Variants in MXRA5 observed in about 807,000 individuals in gnomAD.
MXRA5 encodes the protein matrix remodeling associated 5.
A neutral mutation model predicts 112.5 loss-of-function variants in MXRA5; 41 were observed. The ratio of observed to expected loss-of-function variants is 0.36; its 90% CI spans 0.28 to 0.47. The LOEUF (loss-of-function observed/expected upper bound fraction) is 0.47, where lower values mean the gene tolerates loss of function less well. Among genes scored for constraint, MXRA5 ranks in the 20% least tolerant of loss-of-function variants. The pLI, the probability that MXRA5 is intolerant of heterozygous loss-of-function variation, is 0.99. For missense variants in MXRA5, 2,150 were observed against 2,251.0 expected (o/e 0.96, Z 0.91); for synonymous variants, 862 against 900.8 (o/e 0.96, Z 0.77).
chrX:3,319,691 AG>A (rs1921243516), intron 5 of MXRA5, among the ~76,000 whole-genome samples: 1 of 111,696 alleles, frequency 9.0e-6, no homozygotes, highest in Non-Finnish European at 1.9e-5. Flanking sequence ...AGGGGTGGCA[AG>A]GGTTGAAAAA....
chrX:3,314,224 T>C (rs1286515652), intron 6 of MXRA5, among the ~76,000 whole-genome samples: 1 of 112,442 alleles, frequency 8.9e-6, no homozygotes, highest in Non-Finnish European at 1.9e-5. Context: ...AGCTCTTTTT[T>C]TGTATCTAGC....
At chrX:3,325,983 AT>A (rs1255373007) in intron 4 of MXRA5, among the ~76,000 whole-genome samples, 30 of 58,972 alleles carry the variant, frequency 5.1e-4, no homozygotes, top group Admixed American at 8.4e-4. Flanking sequence ...AATTTATAAT[AT>A]ATAATTTATA....
At position 3,317,485 on chromosome X, in the gene MXRA5, G is replaced by A; in HGVS notation, c.6196C>T (p.His2066Tyr). 8.4e-7 allele frequency: 1 copy of A among 1,195,266 alleles called. No homozygotes were observed. Among genetic ancestry groups the A allele is most frequent in the Non-Finnish European group, 1.1e-6 (1 of 887,535 alleles). ...GCAGCCTTGGCAGTGCAGTGAATGT[G>A]AATGCTGAGCCCCGGGGGCAGCGAG... ...NISLPPGLSI[H>Y]IHCTAKAAPL... The change falls in exon 6 of 7, where the codon CAC (histidine) becomes TAC (tyrosine). Residue 2066 changes from histidine to tyrosine, a missense_variant. Physicochemically the swap from His to Tyr is moderately conservative, Grantham distance 83. Transcript: ENST00000217939.
intron 6 of MXRA5, 59 bp downstream of exon 6, chrX:3,317,044 T>C: frequency 1.9e-6 from 2 of 1,049,726 alleles, no homozygotes; most frequent in Admixed American, 3.7e-5. Flanking sequence ...GAAAAAGGAC[T>C]CATATTCGTT....
In MXRA5 at chrX:3,324,791, C is replaced by T; in HGVS notation, c.894G>A (p.Gln298=). 2 of 1,210,745 alleles carry T rather than the reference C, an allele frequency of 1.7e-6. No homozygotes were observed. Among genetic ancestry groups the T allele is most frequent in the Non-Finnish European group, 2.2e-6 (2 of 895,041 alleles). ...TGAGCTGGCTGCCACCATCCTCTTC[C>T]TGTTCTTGCTCCTCCTCAATACTCC... ...RSRSIEEEQE[Q]EEDGGSQLIL... Residue 298 remains glutamine, a synonymous_variant, in exon 5 of 7, where the codon CAG becomes CAA. Coordinates refer to ENST00000217939, the MANE Select transcript of MXRA5 (RefSeq NM_015419.4).
At chrX:3,330,896 T>A in intron 2 of MXRA5, 123 bp from the exon 3 acceptor site, 4 of 427,303 alleles carry the variant, frequency 9.4e-6, no homozygotes, top group Non-Finnish European at 1.5e-5. Flanking sequence ...AAATGGTGAG[T>A]CTTTTTGTCT....
At chrX:3,326,318 T>G (rs1921506831) in intron 4 of MXRA5, among the ~76,000 whole-genome samples, 1 of 88,779 alleles carries the variant, frequency 1.1e-5, no homozygotes, top group Non-Finnish European at 2.2e-5. Flanking sequence ...ATAATTTGTA[T>G]ATAATCAATA....
Position 3,323,105 on chromosome X carries a change from T to G in MXRA5, c.2580A>C (p.Ser860=). 8.3e-7 allele frequency: 1 copy of G among 1,211,716 alleles called. No individual in the cohort carries two copies. The highest frequency in any genetic ancestry group is 1.1e-6 in the Non-Finnish European group (1 of 895,549). The change falls in exon 5 of 7, where the codon TCA becomes TCC. Residue 860 remains serine (S), a synonymous_variant. Transcript: ENST00000217939. Reference sequence around the variant, plus strand: ...GGTTGTGTTCTAGCCCCATGCTGGCTGAGGAAATGGTACCCAAAACGTGCT... The same window carrying G: ...GGTTGTGTTCTAGCCCCATGCTGGCGGAGGAAATGGTACCCAAAACGTGCT... ...EEEHVLGTIS[S]ASMGLEHNHN... is the part of the protein sequence containing the mutation.
At chrX:3,345,489 C>A (rs1347956914) in intron 1 of MXRA5, among the ~76,000 whole-genome samples, 1 of 113,069 alleles carries the variant, frequency 8.8e-6, no homozygotes, top group Non-Finnish European at 1.9e-5. Flanking sequence ...TGCCTGCGGG[C>A]GGACTTGGCC....
In MXRA5 at chrX:3,320,229, A is replaced by T; in HGVS notation, c.5456T>A (p.Ile1819Lys). 8.3e-7 allele frequency: 1 copy of T among 1,211,055 alleles called. No individual in the cohort carries two copies. The highest frequency in any genetic ancestry group is 1.1e-6 in the Non-Finnish European group (1 of 895,081). ...TCCTGAGGACTGGACAGAAGATGTT[A>T]TAAAGGAGATAGAACTCTGGGTGGA... ...VSSTQSSISF[I>K]TSSVQSSGSF... Residue 1819 changes from isoleucine (I) to lysine (K), a missense_variant, in exon 5 of 7, where the codon ATA becomes AAA. Transcript: ENST00000217939.
intron 6 of MXRA5, among the ~76,000 whole-genome samples, chrX:3,313,943 G>C (rs1024951024): frequency 8.9e-6 from 1 of 111,894 alleles, no homozygotes; most frequent in Non-Finnish European, 1.9e-5. Context: ...AATACAGGCA[G>C]GGAAAAGGCA....
intron 2 of MXRA5, among the ~76,000 whole-genome samples, chrX:3,335,888 T>C (rs776466465): frequency 1.8e-5 from 2 of 112,360 alleles, no homozygotes; most frequent in East Asian, 5.6e-4. Context: ...TGAACCATGT[T>C]GTTCACTGCA....
At chrX:3,326,545 G>C (rs773666352) in intron 4 of MXRA5, among the ~76,000 whole-genome samples, 1 of 104,920 alleles carries the variant, frequency 9.5e-6, no homozygotes, top group Non-Finnish European at 1.9e-5. Context: ...AATATATAAT[G>C]TATATATAAT....
intron 1 of MXRA5, among the ~76,000 whole-genome samples, chrX:3,345,977 T>C (rs1922099325): frequency 8.9e-6 from 1 of 112,345 alleles, no homozygotes; most frequent in African/African-American, 3.2e-5. Flanking sequence ...GGCTGTCCCC[T>C]TTCCAGGGAA....
chrX:3,322,457 G>A lies in MXRA5; in HGVS notation c.3228C>T (p.Asp1076=), dbSNP rs1487772906. 1 of 1,211,318 alleles carries A rather than the reference G, an allele frequency of 8.3e-7. No homozygotes were observed. Among genetic ancestry groups the A allele is most frequent in the Admixed American group, 2.2e-5 (1 of 45,991 alleles). The part of the protein sequence containing the change: ...TLQGGNMLEG[D]PTHSRSSESE... ...TCTCAGAACTTCTGGAGTGTGTGGG[G>A]TCTCCCTCTAGCATATTTCCTCCCT... The change falls in exon 5 of 7, where the codon GAC becomes GAT. Residue 1076 remains aspartate (D), a synonymous_variant. Coordinates refer to ENST00000217939, the MANE Select transcript of MXRA5 (RefSeq NM_015419.4).
rs1921285852 is a variant in MXRA5 at position 3,321,002 on chromosome X, G to C, written c.4683C>G (p.Pro1561=). The C allele has an allele frequency of 8.3e-7, 1 of 1,210,553 alleles. No homozygotes were observed. Among genetic ancestry groups the C allele is most frequent in the Non-Finnish European group, 1.1e-6 (1 of 895,402 alleles). ...AGTTAAATGCATCCTGGTCGGAAGA[G>C]GGTGTTGATAATTCATTTGGCCCTG... ...HMSGPNELST[P]SSDQDAFNLS... Residue 1561 remains proline (P), a synonymous_variant, in exon 5 of 7, where the codon CCC becomes CCG. Transcript: ENST00000217939.
intron 6 of MXRA5, among the ~76,000 whole-genome samples, chrX:3,315,391 T>TAGATAGATA (rs1555943433): frequency 1.8e-5 from 1 of 56,708 alleles, no homozygotes; most frequent in African/African-American, 8.2e-5. Context: ...GATAGATAGA[T>TAGATAGATA]GATAGATAGA....
Position 3,310,288 on chromosome X carries a change from C to T in MXRA5, c.7915G>A (p.Ala2639Thr). The T allele has an allele frequency of 8.3e-7, 1 of 1,210,452 alleles. No homozygotes were observed. The highest frequency in any genetic ancestry group is 1.7e-5 in the African/African-American group (1 of 57,638). Reference sequence around the variant, plus strand: ...ACCAGGTTATGATACTGCTTGTTTGCTTCTGGCTTCAGTCCCACCTTCAGG... The same window carrying T: ...ACCAGGTTATGATACTGCTTGTTTGTTTCTGGCTTCAGTCCCACCTTCAGG... ...VSLKVGLKPE[A>T]NKQYHNLVSI... is the part of the protein sequence containing the mutation. Residue 2639 changes from alanine (A) to threonine (T), a missense_variant, in exon 7 of 7, where the codon GCA becomes ACA. Ala to Thr is a moderately conservative substitution (Grantham distance 58, BLOSUM62 0). Coordinates refer to ENST00000217939, the MANE Select transcript of MXRA5 (RefSeq NM_015419.4).
intron 2 of MXRA5, among the ~76,000 whole-genome samples, chrX:3,341,100 C>CATAAT (rs1182355284): frequency 2.0e-4 from 3 of 15,101 alleles, no homozygotes; most frequent in Non-Finnish European, 2.8e-4. Context: ...ATATGTTATA[C>CATAAT]ATAATATAAT....
Sources: gnomAD v4.1 joint callset for allele counts (sites outside exome capture counted in the v4.1 genomes callset) on GRCh38, gnomAD v4.1.1 for gene constraint, MANE v1.5 for transcripts, NCBI Gene and HGNC (gene_info 2026-07-23, HGNC 2026-07-21) for gene names.